TERB1: variants seen among roughly 807,000 people sequenced by gnomAD.
TERB1 encodes telomere repeats-binding bouquet formation protein 1.
A neutral mutation model predicts 92.3 loss-of-function variants in TERB1; 63 were observed. The observed-to-expected ratio is 0.68, with a 90% CI of 0.56 to 0.84. The LOEUF (loss-of-function observed/expected upper bound fraction) is 0.84, where lower values mean the gene tolerates loss of function less well. TERB1 is among the 40% of genes least tolerant of loss of function. The pLI, the probability that TERB1 is intolerant of heterozygous loss-of-function variation, is 0.00. For synonymous variants in TERB1, 252 were observed against 283.9 expected (o/e 0.89, Z 1.13); for missense variants, 709 against 843.7 (o/e 0.84, Z 1.98).
intron 3 of TERB1, among the ~76,000 whole-genome samples, chr16:66,792,280 C>T (rs1448537472): frequency 1.3e-5 from 2 of 152,136 alleles, no homozygotes; most frequent in Non-Finnish European, 2.9e-5. Flanking sequence ...CTCAACCTGG[C>T]AAAGTGCATT....
Position 66,790,994 on chromosome 16 carries a change from T to C in TERB1, c.57A>G (p.Leu19=), listed in dbSNP as rs867781734. ...TQEMKTDLNL[L]LECLKYQMDN... Reference sequence around the variant, plus strand: ...CCATTTGATACTTTAGACACTCCAATAATAAGTTCAGGTCAGTCTTCATTT... The same window carrying C: ...CCATTTGATACTTTAGACACTCCAACAATAAGTTCAGGTCAGTCTTCATTT... Residue 19 remains leucine (L), a synonymous_variant, in exon 4 of 19, where the codon TTA becomes TTG. Coordinates refer to ENST00000433154, the MANE Select transcript of TERB1 (RefSeq NM_001136505.2). The C allele has an allele frequency of 3.2e-6, 5 of 1,543,994 alleles. No individual in the cohort carries two copies. In the African/African-American group the frequency reaches 4.1e-5, roughly 13 times the overall value.
At chr16:66,786,978 G>A (rs2018739264) in intron 6 of TERB1, among the ~76,000 whole-genome samples, 1 of 152,190 alleles carries the variant, frequency 6.6e-6, no homozygotes, top group Non-Finnish European at 1.5e-5. Context: ...AGGGTGGCAT[G>A]AGAGAGTCTG....
chr16:66,792,571 CT>C (rs1198332790), intron 3 of TERB1, among the ~76,000 whole-genome samples: 1 of 152,214 alleles, frequency 6.6e-6, no homozygotes, highest in Non-Finnish European at 1.5e-5. Flanking sequence ...TTCCAGATAA[CT>C]CTTTAATACA....
At chr16:66,778,558 C>G (rs1447149437) in intron 10 of TERB1, among the ~76,000 whole-genome samples, 1 of 152,136 alleles carries the variant, frequency 6.6e-6, no homozygotes, top group African/African-American at 2.4e-5. Context: ...GCTGGAATTA[C>G]AGGCACCCGC....
At chr16:66,779,423 C>T (rs753906992) in intron 9 of TERB1, among the ~76,000 whole-genome samples, 13 of 151,954 alleles carry the variant, frequency 8.6e-5, no homozygotes, top group African/African-American at 2.7e-4. Flanking sequence ...ATGCTGAAAC[C>T]CCATCTCTAC....
At chr16:66,756,964 T>TA (rs1470532152) in intron 18 of TERB1, among the ~76,000 whole-genome samples, 2 of 152,154 alleles carry the variant, frequency 1.3e-5, no homozygotes, top group African/African-American at 4.8e-5. Context: ...CATCCTGAAA[T>TA]AGAGACTTGG....
chr16:66,768,452 G>A (rs968438343), intron 14 of TERB1, among the ~76,000 whole-genome samples: 4 of 152,048 alleles, frequency 2.6e-5, no homozygotes, highest in African/African-American at 4.8e-5. Flanking sequence ...GAGAGATGAA[G>A]GCAAAAAGGA....
chr16:66,792,101 C>T (rs1009439416), intron 3 of TERB1, among the ~76,000 whole-genome samples: 5 of 151,896 alleles, frequency 3.3e-5, no homozygotes, highest in African/African-American at 9.7e-5. Context: ...TGGGTTTATC[C>T]CAGAAATACA....
chr16:66,766,199 A>G (rs1422875556), intron 16 of TERB1, among the ~76,000 whole-genome samples: 1 of 152,200 alleles, frequency 6.6e-6, no homozygotes, highest in Non-Finnish European at 1.5e-5. Context: ...AGGAAAAATG[A>G]GCATAGTTCA....
Position 66,764,231 on chromosome 16 carries a change from T to C in TERB1, c.1780+3184A>G, listed in dbSNP as rs373083814. On this transcript the variant is annotated intron_variant, in intron 16 of 18. Coordinates refer to ENST00000433154, the MANE Select transcript of TERB1 (RefSeq NM_001136505.2). ...TAGTCCGCAAAATAAATGAAGGGAT[T>C]TTGAAACAAGGCATTTGCGGGGAGA... Among the ~76,000 whole-genome samples, 11 of 152,278 alleles carry C rather than the reference T, an allele frequency of 7.2e-5. No homozygotes were observed. The South Asian group carries it at 2.3e-3, about 32-fold the overall frequency.
chr16:66,766,092 C>T (rs1174951937), intron 16 of TERB1, among the ~76,000 whole-genome samples: 2 of 145,414 alleles, frequency 1.4e-5, no homozygotes, highest in African/African-American at 2.6e-5. Context: ...AGGATGGTCT[C>T]GATCTCCTGA....
At chr16:66,757,795 G>T (rs372383247) in intron 18 of TERB1, among the ~76,000 whole-genome samples, 4 of 152,228 alleles carry the variant, frequency 2.6e-5, no homozygotes, top group African/African-American at 9.6e-5. Flanking sequence ...AACTCCGTAC[G>T]AATAAAAGAA....
chr16:66,784,457 G>A (rs2018688173), intron 9 of TERB1, among the ~76,000 whole-genome samples: 1 of 151,374 alleles, frequency 6.6e-6, no homozygotes, highest in Non-Finnish European at 1.5e-5. Context: ...TCAGCCACCC[G>A]AGTAGCCGGG....
At chr16:66,755,436 T>C (rs2018121760) in intron 18 of TERB1, among the ~76,000 whole-genome samples, 1 of 152,220 alleles carries the variant, frequency 6.6e-6, no homozygotes, top group Admixed American at 6.5e-5. Context: ...CAAAAGTTTA[T>C]AAACATTTGA....
intron 16 of TERB1, among the ~76,000 whole-genome samples, chr16:66,762,503 G>A (rs1725778008): frequency 6.6e-6 from 1 of 151,338 alleles, no homozygotes; most frequent in African/African-American, 2.4e-5. Context: ...TCCAGCCTCA[G>A]TCTCCTAAGT....
chr16:66,757,514 A>C (rs547621761), intron 18 of TERB1, among the ~76,000 whole-genome samples: 2 of 152,232 alleles, frequency 1.3e-5, no homozygotes, highest in Non-Finnish European at 2.9e-5. Context: ...TCTAACAATT[A>C]CTATAGAAAA....
At chr16:66,794,232 C>T (rs959552153) in intron 3 of TERB1, among the ~76,000 whole-genome samples, 19 of 151,346 alleles carry the variant, frequency 1.3e-4, no homozygotes, top group Admixed American at 3.9e-4. Flanking sequence ...CCCAAGTAGC[C>T]GGGAATACAC....
intron 16 of TERB1, among the ~76,000 whole-genome samples, chr16:66,762,598 G>A (rs1396862873): frequency 1.3e-5 from 2 of 151,828 alleles, no homozygotes; most frequent in Non-Finnish European, 2.9e-5. Flanking sequence ...TCCCAGGGCT[G>A]GTCTCAAACT....
At chr16:66,775,926 G>A (rs1446855143) in intron 11 of TERB1, among the ~76,000 whole-genome samples, 6 of 151,502 alleles carry the variant, frequency 4.0e-5, no homozygotes, top group African/African-American at 1.5e-4. Flanking sequence ...TCACCAAGCT[G>A]GTCTTGAACT....
Sources: allele counts gnomAD v4.1 joint callset (sites outside exome capture counted in the v4.1 genomes callset), GRCh38; gene constraint gnomAD v4.1.1; transcripts MANE v1.5; gene names NCBI Gene and HGNC (gene_info 2026-07-23, HGNC 2026-07-21).